TRIM36: variants seen among roughly 807,000 people sequenced by gnomAD.
TRIM36 encodes E3 ubiquitin-protein ligase TRIM36.
Under a neutral mutation model 72.4 loss-of-function variants are expected in TRIM36, and 42 were observed. That is an observed-to-expected ratio of 0.58 (90% confidence interval 0.45 to 0.75). The LOEUF (loss-of-function observed/expected upper bound fraction) is 0.75, where lower values mean the gene tolerates loss of function less well. TRIM36 is among the 30% of genes least tolerant of loss of function. TRIM36 has a pLI of 0.00. For synonymous variants in TRIM36, 315 were observed against 282.8 expected (o/e 1.11, Z -1.14); for missense variants, 913 against 857.1 (o/e 1.07, Z -0.81).
intron 1 of TRIM36, among the ~76,000 whole-genome samples, chr5:115,167,196 T>C (rs1366910190): frequency 1.3e-5 from 2 of 152,154 alleles, no homozygotes; most frequent in Non-Finnish European, 2.9e-5. Context: ...AGCAGGGCCC[T>C]GGGCCCACTC....
rs1752384071 is a variant in TRIM36 at position 115,126,830 on chromosome 5, A to G, written c.1824T>C (p.Ser608=). 2 of 1,613,658 alleles carry G rather than the reference A, an allele frequency of 1.2e-6. No individual in the cohort carries two copies. Among genetic ancestry groups the G allele is most frequent in the Non-Finnish European group, 1.7e-6 (2 of 1,179,846 alleles). The change falls in exon 10 of 10, where the codon AGT becomes AGC. Residue 608 remains serine (S), a synonymous_variant. Transcript: ENST00000513154. Reference sequence around the variant, plus strand: ...AATCAAAACAGGCATCCTCACTTCCACTGTCATGCCCACTGTCTTGCTCAT... The same window carrying G: ...AATCAAAACAGGCATCCTCACTTCCGCTGTCATGCCCACTGTCTTGCTCAT... ...PRYEQDSGHD[S]GSEDACFDSS...
intron 2 of TRIM36, chr5:115,148,385 A>G (rs1361640033): frequency 3.1e-6 from 3 of 974,208 alleles, no homozygotes; most frequent in African/African-American, 3.6e-5. Flanking sequence ...AGGTGCATGC[A>G]TATCACATTC....
chr5:115,142,058 G>GC (rs1488185917), intron 4 of TRIM36, among the ~76,000 whole-genome samples: 1 of 151,970 alleles, frequency 6.6e-6, no homozygotes, highest in East Asian at 1.9e-4. Context: ...AAACACAAAA[G>GC]CCCCGAAACA....
At chr5:115,138,892 T>G (rs546738173) in intron 5 of TRIM36, among the ~76,000 whole-genome samples, 1 of 152,290 alleles carries the variant, frequency 6.6e-6, no homozygotes, top group Non-Finnish European at 1.5e-5. Context: ...CTCGGCTCAC[T>G]GCAAGCTCCG....
At chr5:115,136,069 AG>A (rs1293690498) in intron 7 of TRIM36, among the ~76,000 whole-genome samples, 1 of 152,170 alleles carries the variant, frequency 6.6e-6, no homozygotes, top group Non-Finnish European at 1.5e-5. Context: ...TACAAACGTA[AG>A]CAAGTGTTAT....
At chr5:115,165,646 G>A (rs1347263411) in intron 1 of TRIM36, among the ~76,000 whole-genome samples, 2 of 152,182 alleles carry the variant, frequency 1.3e-5, no homozygotes, top group Admixed American at 6.5e-5. Flanking sequence ...AGGCACAGCC[G>A]GACCTGCTTG....
chr5:115,133,517 C>T (rs1752800127), intron 8 of TRIM36, among the ~76,000 whole-genome samples: 2 of 152,040 alleles, frequency 1.3e-5, no homozygotes, highest in African/African-American at 4.8e-5. Flanking sequence ...TTAGAGATTT[C>T]CATAAACCAA....
At chr5:115,172,425 T>C (rs761914847), upstream of TRIM36, among the ~76,000 whole-genome samples, 11 of 152,118 alleles carry the variant, frequency 7.2e-5, no homozygotes, top group African/African-American at 2.4e-4. Flanking sequence ...TTAAAATCAA[T>C]GTACTGATGA....
chr5:115,150,310 G>C (rs1289174179), intron 2 of TRIM36, among the ~76,000 whole-genome samples: 1 of 152,088 alleles, frequency 6.6e-6, no homozygotes, highest in Non-Finnish European at 1.5e-5. Flanking sequence ...AGCCACATGT[G>C]ACTTTTAAAA....
chr5:115,177,531 C>G, intron 1 of TRIM36: 1 of 1,361,572 alleles, frequency 7.3e-7, no homozygotes, highest in Admixed American at 3.0e-5. Flanking sequence ...AAGTCAGTCT[C>G]AAAGGTCTGC....
rs1031585056 is a variant in TRIM36, at chr5:115,130,876, G to T, written c.1512C>A (p.Leu504=). The part of the protein sequence containing the change: ...HTPPAPVFSF[L]FDEKCGYNNE... ...TATTATAGCCACATTTTTCATCAAA[G>T]AGGAAGCTGAAAACTAAATGGAGCT... Residue 504 remains leucine, a synonymous_variant, in exon 9 of 10, where the codon CTC becomes CTA. Coordinates refer to ENST00000513154, the MANE Select transcript of TRIM36 (RefSeq NM_001300759.2). 1.9e-6 allele frequency: 3 copies of T among 1,606,310 alleles called. No homozygotes were observed. The highest frequency in any genetic ancestry group is 2.6e-6 in the Non-Finnish European group (3 of 1,174,900).
At chr5:115,150,842 G>A (rs931098044) in intron 2 of TRIM36, among the ~76,000 whole-genome samples, 3 of 152,198 alleles carry the variant, frequency 2.0e-5, no homozygotes, top group Non-Finnish European at 4.4e-5. Flanking sequence ...AGAGAGCTGA[G>A]TGAAATACAA....
chr5:115,148,985 C>T (rs537340217), intron 2 of TRIM36: 1 of 152,250 alleles, frequency 6.6e-6, no homozygotes, highest in African/African-American at 2.4e-5. Flanking sequence ...CATAATAATA[C>T]TTATTGGAAG....
intron 1 of TRIM36, chr5:115,177,763 G>A (rs1288223436): frequency 1.2e-6 from 2 of 1,614,086 alleles, no homozygotes; most frequent in Admixed American, 3.3e-5. Context: ...AGTTCTTCTT[G>A]GGAGAGACTG....
chr5:115,124,849 C>A lies in TRIM36; in HGVS notation c.*1654G>T, dbSNP rs1399649588. 6.6e-6 allele frequency: 1 copy of A among 152,520 alleles called. No homozygotes were observed. Among genetic ancestry groups the A allele is most frequent in the Non-Finnish European group, 1.5e-5 (1 of 67,948 alleles). 9.4% of individuals were successfully genotyped at this position (152,520 alleles called of 1,614,324 possible). On this transcript the variant is annotated 3_prime_UTR_variant, in exon 10 of 10. Coordinates refer to ENST00000513154, the MANE Select transcript of TRIM36 (RefSeq NM_001300759.2). ...CAAGGTTTGAAACAGCTATCCTATTCCTGTTAAAGCTTCACATTTAAAAAT... is the reference window on the plus strand; with the variant it reads ...CAAGGTTTGAAACAGCTATCCTATTACTGTTAAAGCTTCACATTTAAAAAT...
rs567128395 is a variant in TRIM36, at chr5:115,160,579, T to C, written c.262+2939A>G. Among the ~76,000 whole-genome samples the C allele has an allele frequency of 1.3e-3, 196 of 152,302 alleles. 1 individual carries two copies. The highest frequency in any genetic ancestry group is 4.5e-3 in the African/African-American group (187 of 41,564). On this transcript the variant is annotated intron_variant, in intron 2 of 9. Coordinates refer to ENST00000513154, the MANE Select transcript of TRIM36 (RefSeq NM_001300759.2). ...TAGACTGGGTATAGTGAATAACGCCTGTAATCCCAGCACTTTGGAAGGCCA... is the reference window on the plus strand; with the variant it reads ...TAGACTGGGTATAGTGAATAACGCCCGTAATCCCAGCACTTTGGAAGGCCA...
intron 2 of TRIM36, among the ~76,000 whole-genome samples, chr5:115,158,789 C>G (rs1490846813): frequency 6.6e-6 from 1 of 152,218 alleles, no homozygotes; most frequent in East Asian, 1.9e-4. Flanking sequence ...CTGCTCCTAT[C>G]TTTCCTTCTA....
At chr5:115,177,704 C>A (rs1375277577) in intron 1 of TRIM36, 1 of 1,613,642 alleles carries the variant, frequency 6.2e-7, no homozygotes, top group Non-Finnish European at 8.5e-7. Flanking sequence ...CTACTCCAGA[C>A]CAACTCTCCC....
intron 3 of TRIM36, among the ~76,000 whole-genome samples, chr5:115,146,667 G>C: frequency 6.6e-6 from 1 of 152,094 alleles, no homozygotes; most frequent in East Asian, 1.9e-4. Flanking sequence ...TTAGCCAAAT[G>C]CAACAAAAAT....
Sources: gnomAD v4.1 joint callset for allele counts (sites outside exome capture counted in the v4.1 genomes callset) on GRCh38, gnomAD v4.1.1 for gene constraint, MANE v1.5 for transcripts, NCBI Gene and HGNC (gene_info 2026-07-23, HGNC 2026-07-21) for gene names.